SMYD3: variants seen among roughly 807,000 people sequenced by gnomAD.
SMYD3 encodes the protein SET and MYND domain containing 3.
In SMYD3, 36 loss-of-function variants were observed where a neutral mutation model predicts 57.7. The ratio of observed to expected loss-of-function variants is 0.62; its 90% confidence interval spans 0.48 to 0.82. The LOEUF (loss-of-function observed/expected upper bound fraction) is 0.82. SMYD3 is among the 40% of genes least tolerant of loss of function. The pLI is 0.00. For missense variants in SMYD3, 515 were observed against 538.8 expected (o/e 0.96, Z 0.44); for synonymous variants, 211 against 195.0 (o/e 1.08, Z -0.68).
At chr1:245,803,209 T>C (rs764903792) in intron 10 of SMYD3, among the ~76,000 whole-genome samples, 1 of 152,238 alleles carries the variant, frequency 6.6e-6, no homozygotes, top group Admixed American at 6.5e-5. Context: ...GATTCAGTTA[T>C]GAATGGCTTG....
At chr1:246,424,061 C>A (rs77422326) in intron 1 of SMYD3, among the ~76,000 whole-genome samples, 4,347 of 152,136 alleles carry the variant, frequency 0.029, 103 homozygotes, top group Non-Finnish European at 0.043. Context: ...GGAAGTTCTT[C>A]AGGTTAAAGA....
intron 1 of SMYD3, among the ~76,000 whole-genome samples, chr1:246,379,044 ATAT>A (rs1348775152): frequency 2.9e-5 from 4 of 139,428 alleles, no homozygotes; most frequent in African/African-American, 1.0e-4. Context: ...TTTTATATAT[ATAT>A]TATTAAGTAT....
intron 8 of SMYD3, among the ~76,000 whole-genome samples, chr1:245,886,470 C>T (rs549282230): frequency 1.2e-4 from 19 of 152,204 alleles, no homozygotes; most frequent in African/African-American, 2.2e-4. Context: ...ATCACACCCT[C>T]ACCTCAGCAA....
intron 5 of SMYD3, chr1:245,947,328 T>A (rs1032078766): frequency 6.6e-6 from 3 of 455,790 alleles, no homozygotes; most frequent in Non-Finnish European, 1.3e-5. Context: ...AATGTCACAG[T>A]ATTTGCAGGA....
At chr1:246,001,651 G>T (rs977331057) in intron 5 of SMYD3, among the ~76,000 whole-genome samples, 2 of 152,116 alleles carry the variant, frequency 1.3e-5, no homozygotes, top group African/African-American at 4.8e-5. Context: ...CATTTTATGG[G>T]GAAGACAGAA....
At chr1:246,436,265 T>A (rs2067372667) in intron 1 of SMYD3, among the ~76,000 whole-genome samples, 2 of 151,300 alleles carry the variant, frequency 1.3e-5, no homozygotes, top group Non-Finnish European at 2.9e-5. Context: ...AACATGGACT[T>A]AAACAAAAAA....
intron 8 of SMYD3, among the ~76,000 whole-genome samples, chr1:245,891,318 A>G (rs957274268): frequency 6.6e-6 from 1 of 152,244 alleles, no homozygotes; most frequent in African/African-American, 2.4e-5. Context: ...TGACAGTATC[A>G]AAATATTTAT....
At chr1:246,158,248 T>C (rs2062054097) in intron 5 of SMYD3, among the ~76,000 whole-genome samples, 1 of 152,222 alleles carries the variant, frequency 6.6e-6, no homozygotes, top group Non-Finnish European at 1.5e-5. Flanking sequence ...AACAGCTCCG[T>C]TGGTTTGTAA....
chr1:246,040,215 T>C (rs2148291442), intron 5 of SMYD3, among the ~76,000 whole-genome samples: 2 of 152,260 alleles, frequency 1.3e-5, no homozygotes, highest in Admixed American at 1.3e-4. Flanking sequence ...AACCGGGATA[T>C]TAATAACAAC....
chr1:245,763,752 C>T (rs111456606), intron 11 of SMYD3, among the ~76,000 whole-genome samples: 1 of 152,140 alleles, frequency 6.6e-6, no homozygotes, highest in East Asian at 1.9e-4. Context: ...GTGGTGTTCT[C>T]AGACTGGTTT....
chr1:245,765,164 T>C (rs539113153), intron 10 of SMYD3, among the ~76,000 whole-genome samples: 6 of 150,950 alleles, frequency 4.0e-5, no homozygotes, highest in African/African-American at 9.7e-5. Flanking sequence ...GGCAGGCGGA[T>C]TGCTTGAGCT....
intron 1 of SMYD3, among the ~76,000 whole-genome samples, chr1:246,357,957 T>G (rs775346196): frequency 2.0e-5 from 3 of 152,124 alleles, no homozygotes; most frequent in Admixed American, 6.5e-5. Context: ...GAATAGTACC[T>G]CACATCTCAA....
At chr1:246,288,716 C>T (rs2064624727) in intron 5 of SMYD3, among the ~76,000 whole-genome samples, 1 of 152,308 alleles carries the variant, frequency 6.6e-6, no homozygotes, top group South Asian at 2.1e-4. Context: ...CTACAAGAAA[C>T]AGAAGCACCA....
chr1:245,909,098 T>C (rs1010392103), intron 8 of SMYD3, among the ~76,000 whole-genome samples: 1 of 151,848 alleles, frequency 6.6e-6, no homozygotes, highest in Non-Finnish European at 1.5e-5. Flanking sequence ...CTCAAATAAG[T>C]AAAATCAGTG....
intron 5 of SMYD3, among the ~76,000 whole-genome samples, chr1:246,297,407 G>A (rs959169456): frequency 8.5e-5 from 13 of 152,136 alleles, no homozygotes; most frequent in African/African-American, 2.9e-4. Flanking sequence ...ATTCACTTCA[G>A]TACGGTAGTA....
chr1:246,199,476 T>G (rs2062876462), intron 5 of SMYD3, among the ~76,000 whole-genome samples: 1 of 152,252 alleles, frequency 6.6e-6, no homozygotes, highest in African/African-American at 2.4e-5. Flanking sequence ...AACAGGGAAC[T>G]TTGGTATACA....
chr1:246,156,850 G>GT (rs1461682726), intron 5 of SMYD3, among the ~76,000 whole-genome samples: 1 of 152,046 alleles, frequency 6.6e-6, no homozygotes, highest in African/African-American at 2.4e-5. Flanking sequence ...GAAATCACAG[G>GT]TAAAAAGGTC....
intron 5 of SMYD3, among the ~76,000 whole-genome samples, chr1:245,957,906 G>C (rs367840898): frequency 1.8e-4 from 28 of 152,236 alleles, no homozygotes; most frequent in Middle Eastern, 6.8e-3. Context: ...ATGTAGAATT[G>C]TGTGGTTAGG....
At chr1:246,397,832 A>G (rs2066697702) in intron 1 of SMYD3, among the ~76,000 whole-genome samples, 1 of 151,364 alleles carries the variant, frequency 6.6e-6, no homozygotes, top group African/African-American at 2.4e-5. Flanking sequence ...CTGGTTTGGG[A>G]TGAAATCATA....
Sources: gnomAD v4.1 joint callset for allele counts (sites outside exome capture counted in the v4.1 genomes callset) on GRCh38, gnomAD v4.1.1 for gene constraint, MANE v1.5 for transcripts, NCBI Gene and HGNC (gene_info 2026-07-23, HGNC 2026-07-21) for gene names.